Variants in DYNC1H1 observed in about 807,000 individuals in gnomAD.
DYNC1H1 encodes the protein cytoplasmic dynein 1 heavy chain 1.
DYNC1H1 carries 51 observed loss-of-function variants against 527.1 expected under a neutral mutation model. The observed-to-expected ratio is 0.10, with a 90% CI of 0.08 to 0.12. The LOEUF (loss-of-function observed/expected upper bound fraction) is 0.12, where lower values mean the gene tolerates loss of function less well. Among genes scored for constraint, DYNC1H1 ranks in the 10% least tolerant of loss-of-function variants. DYNC1H1 has a pLI of 1.00. For missense variants in DYNC1H1, 2,771 were observed against 5,971.8 expected, an observed-to-expected ratio of 0.46 and a Z score of 17.66; for synonymous variants, 2,189 against 2,278.8, an observed-to-expected ratio of 0.96 and a Z score of 1.12.
In DYNC1H1 at chr14:102,047,629, G is replaced by GTGTGTGTA. The variant is rs1567024966; in HGVS notation, c.13007-181_13007-180insATGTGTGT. 9.1e-5 allele frequency: 36 copies of GTGTGTGTA among 395,846 alleles called. No individual in the cohort carries two copies. In the African/African-American group the frequency reaches 1.2e-3, roughly 13 times the overall value. 24.5% of individuals were successfully genotyped at this position (395,846 alleles called of 1,614,324 possible). On this transcript the variant is annotated intron_variant, in intron 72 of 77. Coordinates refer to ENST00000360184, the MANE Select transcript of DYNC1H1 (RefSeq NM_001376.5). ...TATATGTATATATACACGTGTGTGTGTGTGTGTGTGTGTATATATATATAT... is the reference window on the plus strand; with the variant it reads ...TATATGTATATATACACGTGTGTGTGTGTGTGTATGTGTGTGTGTGTATATATATATAT...
Position 102,004,824 on chromosome 14 carries a change from G to A in DYNC1H1, c.5112G>A (p.Leu1704=), listed in dbSNP as rs768335406. 6.2e-7 allele frequency: 1 copy of A among 1,614,156 alleles called. No homozygotes were observed. The highest frequency in any genetic ancestry group is 8.5e-7 in the Non-Finnish European group (1 of 1,180,040). ...CCAAAATCAATGAGTGGCTCACATT[G>A]GTAGAAAAGGAGATGAGAGTCACCC... ...EHPKINEWLT[L]VEKEMRVTLA... is the part of the protein sequence containing the mutation. Residue 1704 remains leucine (L), a synonymous_variant, in exon 25 of 78, where the codon TTG becomes TTA. Coordinates refer to ENST00000360184, the MANE Select transcript of DYNC1H1 (RefSeq NM_001376.5).
Position 102,041,872 on chromosome 14 carries a change from C to G in DYNC1H1, c.12102+138C>G. The G allele has an allele frequency of 2.0e-6, 3 of 1,510,314 alleles. No homozygotes were observed. Among genetic ancestry groups the G allele is most frequent in the Middle Eastern group, 1.8e-4 (1 of 5,602 alleles). 93.6% of individuals were successfully genotyped at this position (1,510,314 alleles called of 1,614,324 possible). A position where few individuals can be genotyped will look rare whatever the true frequency, so the allele number is the denominator to read the frequency against. Reference sequence around the variant, plus strand: ...AGACCAGGAACTCGCTGCAGATTCTCAACTCCTGGCTGCATGGTGCCCACA... The same window carrying G: ...AGACCAGGAACTCGCTGCAGATTCTGAACTCCTGGCTGCATGGTGCCCACA... On this transcript the variant is annotated intron_variant, in intron 65 of 77. Coordinates refer to ENST00000360184, the MANE Select transcript of DYNC1H1 (RefSeq NM_001376.5). This position sits in a 1 kb window ranked among gnomAD's most constrained non-coding sequence, Gnocchi z 4.5.
At position 102,038,916 on chromosome 14, in the gene DYNC1H1, G is replaced by C. The variant is rs1042747841; in HGVS notation, c.11206+68G>C. 1.8e-5 allele frequency: 29 copies of C among 1,612,782 alleles called. No homozygotes were observed. Among genetic ancestry groups the C allele is most frequent in the Admixed American group, 3.3e-5 (2 of 59,918 alleles). ...AAGGGGCTGAACTTTTAAGTGACTAGGATGTTCCACGTTTGTGGCAAACAC... is the reference window on the plus strand; with the variant it reads ...AAGGGGCTGAACTTTTAAGTGACTACGATGTTCCACGTTTGTGGCAAACAC... On this transcript the variant is annotated intron_variant, in intron 59 of 77. Transcript: ENST00000360184. This position sits in a 1 kb window ranked among gnomAD's most constrained non-coding sequence, Gnocchi z 7.2.
rs1185382775 is a variant in DYNC1H1 at position 102,005,123 on chromosome 14, GATGCCGCGCCCTTGCAC to G, written c.5321_5337del (p.Asp1774ValfsTer52). On this transcript the variant is annotated frameshift_variant, in exon 26 of 78. Transcript: ENST00000360184. LOFTEE classifies it high-confidence loss of function. This position sits in a 1 kb window ranked among gnomAD's most constrained non-coding sequence, Gnocchi z 4.0. ...ACTGAGCAGCATGGGCGGAGGTGGA[GATGCCGCGCCCTTGCAC>G]TCTGTGCTGAGCAATGTGGAGGTCA... is the stretch of plus-strand genomic sequence containing the variant. 6.2e-7 allele frequency: 1 copy of G among 1,614,212 alleles called. No individual in the cohort carries two copies. Among genetic ancestry groups the G allele is most frequent in the Non-Finnish European group, 8.5e-7 (1 of 1,180,042 alleles).
Position 102,052,382 on chromosome 14 carries a change from C to G in DYNC1H1, c.*1819C>G, listed in dbSNP as rs1407292997. ...TCCTGAGCTCAAGTGGTCCTCCCAC[C>G]TTGGCCTCCCAAAATGCTGGGATTA... On this transcript the variant is annotated 3_prime_UTR_variant, in exon 78 of 78. Transcript: ENST00000360184. 1 of 152,376 alleles carries G rather than the reference C, an allele frequency of 6.6e-6. No individual in the cohort carries two copies. The highest frequency in any genetic ancestry group is 2.4e-5 in the African/African-American group (1 of 41,444). 9.4% of individuals were successfully genotyped at this position (152,376 alleles called of 1,614,324 possible). A position where few individuals can be genotyped will look rare whatever the true frequency, so the allele number is the denominator to read the frequency against.
In DYNC1H1 at chr14:102,012,531, T is replaced by C. The variant is rs2048269879; in HGVS notation, c.7014+61T>C. ...TCCTTTTGGCCAACTAAACTTCGTG[T>C]GCTAGCTAAGTGCAGCTCTGGAGTC... is the stretch of plus-strand genomic sequence containing the variant. On this transcript the variant is annotated intron_variant, in intron 34 of 77. Transcript: ENST00000360184. This position sits in a 1 kb window ranked among gnomAD's most constrained non-coding sequence, Gnocchi z 4.9. 2 of 1,610,074 alleles carry C rather than the reference T, an allele frequency of 1.2e-6. No individual in the cohort carries two copies. The highest frequency in any genetic ancestry group is 3.3e-5 in the Admixed American group (2 of 60,028).
chr14:102,048,409 TCGGAAGCTCTGGGGCTCTCCC>T, intron 73 of DYNC1H1, 86 bp from the exon 74 acceptor site: 1 of 1,464,644 alleles, frequency 6.8e-7, no homozygotes, highest in Non-Finnish European at 9.4e-7. Context: ...CCTGGACAGT[TCGGAAGCTCTGGGGCTCTCCC>T]CGGAGGCCGA....
At position 102,029,832 on chromosome 14, in the gene DYNC1H1, G is replaced by A. The variant is rs1460582982; in HGVS notation, c.9656G>A (p.Arg3219His). 2 of 1,614,122 alleles carry A rather than the reference G, an allele frequency of 1.2e-6. No homozygotes were observed. Reference protein sequence around the residue: ...KETVDQVEELRRDLRIKSQEL... With the variant: ...KETVDQVEELHRDLRIKSQEL... ...TTTGCTCTTTAGGTAGAAGAACTGC[G>A]TCGTGACTTGAGGATAAAGAGCCAA... The change falls in exon 50 of 78, where the codon CGT (arginine) becomes CAT (histidine). Residue 3219 changes from arginine (R) to histidine (H), a missense_variant. This residue lies in a region of DYNC1H1 where 30 missense variants were observed against 117.8 expected (regional missense o/e 0.25). Transcript: ENST00000360184. The surrounding 1 kb of genome is among the most constrained non-coding windows in gnomAD (Gnocchi z 5.3).
At chr14:101,977,100 GAT>G (rs1486326752) in intron 2 of DYNC1H1, among the ~76,000 whole-genome samples, 1 of 152,154 alleles carries the variant, frequency 6.6e-6, no homozygotes, top group Non-Finnish European at 1.5e-5. Context: ...CATTATTACA[GAT>G]AACTAGTAAA....
chr14:102,017,833 G>C lies in DYNC1H1; in HGVS notation c.8177+329G>C. On this transcript the variant is annotated intron_variant, in intron 40 of 77. Coordinates refer to ENST00000360184, the MANE Select transcript of DYNC1H1 (RefSeq NM_001376.5). This position sits in a 1 kb window ranked among gnomAD's most constrained non-coding sequence, Gnocchi z 4.6. ...TACAAAAACAAAATTAAGGCCGGGC[G>C]TGGTGGCTTACGCCTGTAATCCCAG... The C allele has an allele frequency of 2.7e-6, 1 of 375,790 alleles. No homozygotes were observed. The highest frequency in any genetic ancestry group is 5.1e-6 in the Non-Finnish European group (1 of 197,004). 23.3% of individuals were successfully genotyped at this position (375,790 alleles called of 1,614,324 possible).
At chr14:102,048,767 A>G in intron 74 of DYNC1H1, 98 bp downstream of exon 74, 1 of 1,200,654 alleles carries the variant, frequency 8.3e-7, no homozygotes, top group Non-Finnish European at 1.1e-6. Flanking sequence ...GCAGACAGCC[A>G]GGCCTGCAGG....
At position 101,994,715 on chromosome 14, in the gene DYNC1H1, A is replaced by G. The variant is rs1361633775; in HGVS notation, c.3199A>G (p.Asn1067Asp). The G allele has an allele frequency of 6.2e-7, 1 of 1,614,110 alleles. No homozygotes were observed. Among genetic ancestry groups the G allele is most frequent in the Non-Finnish European group, 8.5e-7 (1 of 1,180,050 alleles). The change falls in exon 13 of 78, where the codon AAC (asparagine) becomes GAC (aspartate). Residue 1067 changes from asparagine to aspartate, a missense_variant. Physicochemically the swap from Asn to Asp is conservative, Grantham distance 23. Transcript: ENST00000360184. ...GTGTTTATGGGATATGCAAGCTGAA[A>G]ACATCTATAACAGACTTGGAGAAGA... is the stretch of plus-strand genomic sequence containing the variant. Reference protein sequence around the residue: ...YQCLWDMQAENIYNRLGEDLN... With the variant: ...YQCLWDMQAEDIYNRLGEDLN...
At chr14:102,024,192 GA>G (rs2048421882) in intron 43 of DYNC1H1, among the ~76,000 whole-genome samples, 1 of 152,226 alleles carries the variant, frequency 6.6e-6, no homozygotes, top group African/African-American at 2.4e-5. Context: ...GGACAATTGT[GA>G]ATAACTTGTG....
Position 102,050,590 on chromosome 14 carries a change from T to C in DYNC1H1, c.*27T>C. ...CTTTTCTAGCTGCCCCTTTCTGTAA[T>C]AGTGAAAGTTGGTATTTAACATTTA... On this transcript the variant is annotated 3_prime_UTR_variant, in exon 78 of 78. Coordinates refer to ENST00000360184, the MANE Select transcript of DYNC1H1 (RefSeq NM_001376.5). 1.2e-6 allele frequency: 2 copies of C among 1,614,172 alleles called. No individual in the cohort carries two copies. Among genetic ancestry groups the C allele is most frequent in the Non-Finnish European group, 1.7e-6 (2 of 1,179,990 alleles).
chr14:102,038,346 G>A lies in DYNC1H1; in HGVS notation c.10909-114G>A. On this transcript the variant is annotated intron_variant, in intron 57 of 77. Transcript: ENST00000360184. This position sits in a 1 kb window ranked among gnomAD's most constrained non-coding sequence, Gnocchi z 7.2. Reference sequence around the variant, plus strand: ...TAGCTAGTGGCCACCACACGCAAGTGGCGGGTGGCTTTTGGGAAGGTATGC... The same window carrying A: ...TAGCTAGTGGCCACCACACGCAAGTAGCGGGTGGCTTTTGGGAAGGTATGC... The A allele has an allele frequency of 6.6e-7, 1 of 1,505,030 alleles. No homozygotes were observed. Among genetic ancestry groups the A allele is most frequent in the Non-Finnish European group, 9.0e-7 (1 of 1,116,944 alleles). The allele number at this position is 1,505,030 out of a possible 1,614,324, so 93.2% of individuals were successfully genotyped here. A position where few individuals can be genotyped will look rare whatever the true frequency, so the allele number is the denominator to read the frequency against.
rs184232031 is a variant in DYNC1H1 at position 102,040,198 on chromosome 14, C to T, written c.11691-38C>T. On this transcript the variant is annotated intron_variant, in intron 62 of 77. Transcript: ENST00000360184. The stretch of plus-strand genomic sequence containing the variant: ...TTATCTTAGTGACAGTGGGAGTGAA[C>T]GTGAGAGACCCTAGCTAACCTGTTG... The T allele has an allele frequency of 5.5e-5, 88 of 1,611,500 alleles. 1 individual carries two copies. Among genetic ancestry groups the T allele is most frequent in the South Asian group, 3.1e-4 (28 of 90,898 alleles).
In DYNC1H1 at chr14:102,034,195, A is replaced by G. The variant is rs1427174553; in HGVS notation, c.10626+7A>G. On this transcript the variant is annotated splice_region_variant and intron_variant, in intron 55 of 77. Coordinates refer to ENST00000360184, the MANE Select transcript of DYNC1H1 (RefSeq NM_001376.5). ...ACAGCAAGCCAACATCCAGGTGAGA[A>G]TCACGGGGAGTTCAAAAAGGATGTG... The G allele has an allele frequency of 6.8e-6, 11 of 1,614,114 alleles. No homozygotes were observed. The highest frequency in any genetic ancestry group is 4.5e-5 in the East Asian group (2 of 44,898).
At chr14:102,019,770 T>C in intron 41 of DYNC1H1, 123 bp from the exon 42 acceptor site, 1 of 1,274,552 alleles carries the variant, frequency 7.8e-7, no homozygotes, top group Non-Finnish European at 1.1e-6. Flanking sequence ...TCCAGCTATC[T>C]TCTTAAATAT....
intron 23 of DYNC1H1, among the ~76,000 whole-genome samples, chr14:102,003,413 C>T (rs2048154372): frequency 6.6e-6 from 1 of 152,040 alleles, no homozygotes; most frequent in African/African-American, 2.4e-5. Context: ...AGGTGCCCAC[C>T]ACCACACCCG....
Sources: gnomAD v4.1 joint callset for allele counts (sites outside exome capture counted in the v4.1 genomes callset) on GRCh38, gnomAD v4.1.1 for gene constraint, gnomAD v4.1.1 regional missense constraint, Gnocchi (gnomAD v3.1) non-coding constraint, MANE v1.5 for transcripts, NCBI Gene and HGNC (gene_info 2026-07-23, HGNC 2026-07-21) for gene names.